Variants in SKA2 observed in about 807,000 individuals in gnomAD.
The protein encoded by SKA2 is spindle and kinetochore associated complex subunit 2, also known as spindle and kinetochore-associated protein 2.
A neutral mutation model predicts 16.9 loss-of-function variants in SKA2; 13 were observed. The ratio of observed to expected loss-of-function variants is 0.77; its 90% CI spans 0.50 to 1.22. The LOEUF (loss-of-function observed/expected upper bound fraction) is 1.22, where lower values mean the gene tolerates loss of function less well. Among genes scored for constraint, SKA2 ranks in the 50% most tolerant of loss-of-function variants. The probability of loss-of-function intolerance (pLI) is 0.00; values close to 1 mark genes in which losing one functional copy is unlikely to be tolerated. For synonymous variants in SKA2, 47 were observed against 48.5 expected, an observed-to-expected ratio of 0.97 and a Z score of 0.13; for missense variants, 107 against 139.7, an observed-to-expected ratio of 0.77 and a Z score of 1.18.
intron 3 of SKA2, among the ~76,000 whole-genome samples, chr17:59,116,810 CTTTTTTT>C (rs909458290): frequency 4.0e-5 from 3 of 75,302 alleles, no homozygotes; most frequent in African/African-American, 1.1e-4. Context: ...CTGCCTTTGG[CTTTTTTT>C]TTTTTTTTTT....
Position 59,142,184 on chromosome 17 carries a change from T to C in SKA2, c.34-10817A>G, listed in dbSNP as rs370914645. On this transcript the variant is annotated intron_variant, in intron 1 of 3. Coordinates refer to ENST00000330137, the MANE Select transcript of SKA2 (RefSeq NM_182620.4). ...ATTATTCACTTTACCACAATTCTTCTATTTTCTTTGAGAACAATCAGAGTA... is the reference window on the plus strand; with the variant it reads ...ATTATTCACTTTACCACAATTCTTCCATTTTCTTTGAGAACAATCAGAGTA... 5.9e-5 allele frequency among the ~76,000 whole-genome samples: 9 copies of C among 152,306 alleles called. No individual in the cohort carries two copies. The East Asian group carries it at 1.5e-3, about 26-fold the overall frequency.
At position 59,110,839 on chromosome 17, in the gene SKA2, T is replaced by C. The variant is rs1486298233; in HGVS notation, c.*1438A>G. The C allele has an allele frequency of 6.9e-6, 1 of 144,378 alleles. No homozygotes were observed. The highest frequency in any genetic ancestry group is 1.5e-5 in the Non-Finnish European group (1 of 64,906). 8.9% of individuals were successfully genotyped at this position (144,378 alleles called of 1,614,324 possible). ...CTTTCTGTTCTTGAAATATTCAAAC[T>C]AGACAGGACAATTTTAACTGAAGCT... On this transcript the variant is annotated 3_prime_UTR_variant, in exon 4 of 4. Coordinates refer to ENST00000330137, the MANE Select transcript of SKA2 (RefSeq NM_182620.4).
chr17:59,116,260 C>T (rs1421408306), intron 3 of SKA2, among the ~76,000 whole-genome samples: 5 of 152,190 alleles, frequency 3.3e-5, no homozygotes, highest in Non-Finnish European at 7.3e-5. Context: ...GTAGTCCCAG[C>T]TACTTGGGAG....
intron 1 of SKA2, among the ~76,000 whole-genome samples, chr17:59,137,380 G>T (rs1481699514): frequency 5.3e-5 from 8 of 152,084 alleles, no homozygotes. Flanking sequence ...TATCACTAAA[G>T]TTACAAAGCT....
In SKA2 at chr17:59,155,111, C is replaced by T. The variant is rs1209802661; in HGVS notation, c.33+20G>A. ...GGGAAAAATAAACTACCCAGTAGAT[C>T]TCCTTCACTTTGCACTCACCATCAG... On this transcript the variant is annotated intron_variant, in intron 1 of 3. Coordinates refer to ENST00000330137, the MANE Select transcript of SKA2 (RefSeq NM_182620.4). The T allele has an allele frequency of 6.2e-7, 1 of 1,614,028 alleles. No individual in the cohort carries two copies. The highest frequency in any genetic ancestry group is 1.7e-5 in the Admixed American group (1 of 60,032).
Position 59,133,632 on chromosome 17 carries a change from C to A in SKA2, c.34-2265G>T, listed in dbSNP as rs375046108. On this transcript the variant is annotated intron_variant, in intron 1 of 3. Coordinates refer to ENST00000330137, the MANE Select transcript of SKA2 (RefSeq NM_182620.4). The stretch of plus-strand genomic sequence containing the variant: ...AGTATATAAAAGGTTCTATTAGGAC[C>A]CTACTTTCAAATGTAGAGTAAGACA... 8.5e-5 allele frequency among the ~76,000 whole-genome samples: 13 copies of A among 152,166 alleles called. No individual in the cohort carries two copies. In the East Asian group the frequency reaches 1.9e-3, roughly 23 times the overall value.
chr17:59,148,466 G>A (rs576503413), intron 1 of SKA2, among the ~76,000 whole-genome samples: 8 of 151,888 alleles, frequency 5.3e-5, no homozygotes, highest in African/African-American at 9.7e-5. Flanking sequence ...TCAATAGGCC[G>A]GAGTGCAGTG....
chr17:59,127,984 G>A (rs1259804055), intron 2 of SKA2, among the ~76,000 whole-genome samples: 6 of 152,050 alleles, frequency 3.9e-5, no homozygotes, highest in Non-Finnish European at 7.4e-5. Flanking sequence ...TTGGGAGGCC[G>A]AGGTGGGTGG....
chr17:59,139,923 A>G (rs1330320211), intron 1 of SKA2, among the ~76,000 whole-genome samples: 1 of 152,146 alleles, frequency 6.6e-6, no homozygotes, highest in African/African-American at 2.4e-5. Flanking sequence ...AGAACAAACC[A>G]CCTGGGAACC....
chr17:59,142,310 G>C (rs928918716), intron 1 of SKA2, among the ~76,000 whole-genome samples: 2 of 142,436 alleles, frequency 1.4e-5, no homozygotes, highest in African/African-American at 5.2e-5. Flanking sequence ...TTTTTTTTGA[G>C]ATGGCGTTTC....
At chr17:59,151,048 T>C (rs551268525) in intron 1 of SKA2, 1 of 455,738 alleles carries the variant, frequency 2.2e-6, no homozygotes, top group South Asian at 1.6e-5. Flanking sequence ...AGTAACAACA[T>C]TATAGTTCTC....
chr17:59,150,442 T>C (rs917463533), intron 1 of SKA2, among the ~76,000 whole-genome samples: 1 of 152,040 alleles, frequency 6.6e-6, no homozygotes, highest in Non-Finnish European at 1.5e-5. Context: ...TTAACACCAA[T>C]TAAGATTTGG....
intron 1 of SKA2, among the ~76,000 whole-genome samples, chr17:59,137,229 G>A (rs1374972411): frequency 1.3e-5 from 2 of 152,052 alleles, no homozygotes. Context: ...TGTTACCCAG[G>A]CTGGACTTGA....
At chr17:59,137,751 T>C (rs2046456892) in intron 1 of SKA2, 1 of 524,466 alleles carries the variant, frequency 1.9e-6, no homozygotes, top group African/African-American at 1.9e-5. Context: ...CTACATACTT[T>C]CTGCAGCCTG....
intron 1 of SKA2, among the ~76,000 whole-genome samples, chr17:59,144,266 G>A (rs1041288293): frequency 2.0e-5 from 3 of 151,968 alleles, no homozygotes; most frequent in South Asian, 2.1e-4. Flanking sequence ...AAAGACAAGT[G>A]TTGGAGAGGA....
chr17:59,121,151 CAAAAAA>C (rs71145525), intron 2 of SKA2, among the ~76,000 whole-genome samples: 15 of 99,706 alleles, frequency 1.5e-4, no homozygotes, highest in African/African-American at 5.3e-4. Flanking sequence ...GACTCCGTCT[CAAAAAA>C]AAAAAAAAAA....
chr17:59,139,184 T>C (rs939621379), intron 1 of SKA2, among the ~76,000 whole-genome samples: 5 of 151,806 alleles, frequency 3.3e-5, no homozygotes, highest in Admixed American at 1.3e-4. Flanking sequence ...GAGCACGAGG[T>C]CAGGAGATTG....
intron 3 of SKA2, among the ~76,000 whole-genome samples, chr17:59,115,539 T>A (rs1361954130): frequency 6.6e-6 from 1 of 152,264 alleles, no homozygotes; most frequent in East Asian, 1.9e-4. Flanking sequence ...GTTACAGGAT[T>A]TCCTTCTTCT....
At chr17:59,152,768 C>G (rs1426752932) in intron 1 of SKA2, among the ~76,000 whole-genome samples, 1 of 151,158 alleles carries the variant, frequency 6.6e-6, no homozygotes, top group African/African-American at 2.4e-5. Flanking sequence ...CTTTTATTAT[C>G]TAGTCAACAC....
Sources: gnomAD v4.1 joint callset for allele counts (sites outside exome capture counted in the v4.1 genomes callset) on GRCh38, gnomAD v4.1.1 for gene constraint, MANE v1.5 for transcripts, NCBI Gene and HGNC (gene_info 2026-07-23, HGNC 2026-07-21) for gene names.